Variants in TRPC5 observed in about 807,000 individuals in gnomAD.
TRPC5 encodes the protein transient receptor potential cation channel subfamily C member 5.
TRPC5 carries 9 observed loss-of-function variants against 56.5 expected under a neutral mutation model. The observed-to-expected ratio is 0.16, with a 90% CI of 0.10 to 0.28. The LOEUF is 0.28. Among genes scored for constraint, TRPC5 ranks in the 10% least tolerant of loss-of-function variants. TRPC5 has a pLI of 1.00. For synonymous variants in TRPC5, 282 were observed against 278.5 expected, an observed-to-expected ratio of 1.01 and a Z score of -0.13; for missense variants, 469 against 748.9, an observed-to-expected ratio of 0.63 and a Z score of 4.36.
At chrX:111,905,711 G>A (rs1218828762) in intron 3 of TRPC5, among the ~76,000 whole-genome samples, 4 of 108,906 alleles carry the variant, frequency 3.7e-5, no homozygotes, top group Admixed American at 9.8e-5. Context: ...TCAGGAGATG[G>A]AGACCATCCT....
chrX:111,954,115 G>A (rs1352743823), intron 1 of TRPC5, among the ~76,000 whole-genome samples: 2 of 112,398 alleles, frequency 1.8e-5, no homozygotes, highest in Non-Finnish European at 3.8e-5. Flanking sequence ...AGCACTTAGA[G>A]TAAGCATTTG....
chrX:111,830,033 C>T (rs1040327502), intron 7 of TRPC5, among the ~76,000 whole-genome samples: 2 of 112,885 alleles, frequency 1.8e-5, no homozygotes, highest in Non-Finnish European at 3.7e-5. Context: ...GGGGGCTGTA[C>T]CCTGCAAAGC....
At chrX:111,866,687 C>T (rs933200669) in intron 3 of TRPC5, among the ~76,000 whole-genome samples, 6 of 112,317 alleles carry the variant, frequency 5.3e-5, no homozygotes, top group Admixed American at 9.4e-5. Context: ...GACCACCCCT[C>T]TGCCAGAAAA....
Position 111,776,299 on chromosome X carries a change from G to T in TRPC5, c.*14C>A. ...ATTTCTGTTGAGTTCCAGAACAGAT[G>T]ATTAGGGCTTGACTTAGAGGCGAGT... On this transcript the variant is annotated 3_prime_UTR_variant, in exon 11 of 11. Transcript: ENST00000262839. The T allele has an allele frequency of 8.7e-7, 1 of 1,152,765 alleles. No homozygotes were observed.
At chrX:111,963,072 T>G (rs1307993866) in intron 1 of TRPC5, among the ~76,000 whole-genome samples, 5 of 112,176 alleles carry the variant, frequency 4.5e-5, no homozygotes, top group African/African-American at 6.5e-5. Flanking sequence ...TTCCCTTTCC[T>G]AGTCAAAGAA....
intron 3 of TRPC5, among the ~76,000 whole-genome samples, chrX:111,877,670 A>G (rs1018116555): frequency 1.1e-4 from 12 of 111,270 alleles, no homozygotes; most frequent in Non-Finnish European, 2.1e-4. Flanking sequence ...GGAAAAATGC[A>G]TAGCATGAGA....
chrX:112,047,587 G>A (rs998811779), intron 1 of TRPC5, among the ~76,000 whole-genome samples: 1 of 112,108 alleles, frequency 8.9e-6, no homozygotes, highest in Non-Finnish European at 1.9e-5. Context: ...ACGACATGAA[G>A]TAAGAACACA....
At chrX:111,882,545 G>T (rs1035253636) in intron 3 of TRPC5, among the ~76,000 whole-genome samples, 3 of 113,009 alleles carry the variant, frequency 2.7e-5, no homozygotes, top group Non-Finnish European at 5.6e-5. Flanking sequence ...CCAAGGCCAA[G>T]GTCTGGTTAA....
chrX:112,080,180 C>A (rs3027699), intron 1 of TRPC5, among the ~76,000 whole-genome samples: 3,938 of 111,557 alleles, frequency 0.035, 174 homozygotes, highest in African/African-American at 0.12. Context: ...TTGCCTGATG[C>A]AACATAAACA....
At chrX:111,915,942 A>C (rs1569528089) in intron 2 of TRPC5, among the ~76,000 whole-genome samples, 1 of 107,862 alleles carries the variant, frequency 9.3e-6, no homozygotes, top group Non-Finnish European at 1.9e-5. Context: ...TCTGTCTCTA[A>C]AAAACAAACA....
At chrX:111,791,806 T>C (rs780398082) in intron 7 of TRPC5, among the ~76,000 whole-genome samples, 2 of 112,137 alleles carry the variant, frequency 1.8e-5, no homozygotes, top group South Asian at 7.5e-4. Flanking sequence ...AGCTTGGAAG[T>C]GATACCCTGT....
At chrX:111,910,929 G>A (rs1925798016) in intron 3 of TRPC5, among the ~76,000 whole-genome samples, 2 of 112,680 alleles carry the variant, frequency 1.8e-5, no homozygotes, top group African/African-American at 3.2e-5. Context: ...CCAGGGAGGT[G>A]AGCACAACAC....
chrX:111,833,787 A>C (rs1442172654), intron 7 of TRPC5, among the ~76,000 whole-genome samples: 1 of 111,303 alleles, frequency 9.0e-6, no homozygotes, highest in African/African-American at 3.3e-5. Context: ...ACATATATAT[A>C]TCTATGTATA....
At chrX:112,043,645 TAAA>T (rs370812753) in intron 1 of TRPC5, among the ~76,000 whole-genome samples, 156 of 75,701 alleles carry the variant, frequency 2.1e-3, no homozygotes, top group Non-Finnish European at 3.2e-3. Context: ...TGAGAAGAGG[TAAA>T]AAAAAAAAAA....
intron 3 of TRPC5, among the ~76,000 whole-genome samples, chrX:111,874,344 A>G (rs1923853589): frequency 8.9e-6 from 1 of 112,806 alleles, no homozygotes. Flanking sequence ...TAAACTCACA[A>G]GAGAACACAG....
At chrX:111,938,557 G>A (rs868540490) in intron 2 of TRPC5, among the ~76,000 whole-genome samples, 70 of 111,325 alleles carry the variant, frequency 6.3e-4, no homozygotes, top group African/African-American at 1.8e-3. Flanking sequence ...TTAGCATGAA[G>A]GGTTGTTGAA....
intron 1 of TRPC5, among the ~76,000 whole-genome samples, chrX:111,986,815 A>G (rs1928224133): frequency 9.0e-6 from 1 of 111,573 alleles, no homozygotes; most frequent in Admixed American, 9.6e-5. Context: ...TTTCATTGTA[A>G]TTCAGCCAGT....
intron 1 of TRPC5, among the ~76,000 whole-genome samples, chrX:112,061,404 A>G (rs1468417602): frequency 9.0e-6 from 1 of 111,700 alleles, no homozygotes; most frequent in African/African-American, 3.3e-5. Context: ...GTGAGTTGAA[A>G]CTAAGGGAGA....
chrX:111,957,992 C>T (rs1028976254), intron 1 of TRPC5, among the ~76,000 whole-genome samples: 2 of 111,729 alleles, frequency 1.8e-5, no homozygotes, highest in African/African-American at 3.3e-5. Context: ...ATAAGAGTTT[C>T]CTACATAGCA....
Sources: gnomAD v4.1 joint callset for allele counts (sites outside exome capture counted in the v4.1 genomes callset) on GRCh38, gnomAD v4.1.1 for gene constraint, MANE v1.5 for transcripts, NCBI Gene and HGNC (gene_info 2026-07-23, HGNC 2026-07-21) for gene names.